KCTD16: variants seen among roughly 807,000 people sequenced by gnomAD.
KCTD16 encodes potassium channel tetramerization domain containing 16.
In KCTD16, 13 loss-of-function variants were observed where a neutral mutation model predicts 33.2. That is an observed-to-expected ratio of 0.39 (90% CI 0.25 to 0.62). KCTD16 has a LOEUF of 0.62. Ranked by LOEUF, KCTD16 falls within the 20% of genes least tolerant of loss-of-function variation. The pLI is 0.50. For missense variants in KCTD16, 441 were observed against 525.1 expected, an observed-to-expected ratio of 0.84 and a Z score of 1.57; for synonymous variants, 197 against 195.3, an observed-to-expected ratio of 1.01 and a Z score of -0.07.
intron 3 of KCTD16, among the ~76,000 whole-genome samples, chr5:144,412,347 A>G (rs886910842): frequency 3.3e-5 from 5 of 152,244 alleles, no homozygotes; most frequent in Admixed American, 3.3e-4. Context: ...GCCATAAAAA[A>G]GAAATGAAAT....
In KCTD16 at chr5:144,485,685, C is replaced by T. The variant is rs947237429; in HGVS notation, c.*11571C>T. The T allele has an allele frequency of 4.6e-5, 7 of 151,946 alleles. No homozygotes were observed. Among genetic ancestry groups the T allele is most frequent in the East Asian group, 1.9e-4 (1 of 5,148 alleles). 9.4% of individuals were successfully genotyped at this position (151,946 alleles called of 1,614,324 possible). On this transcript the variant is annotated 3_prime_UTR_variant, in exon 4 of 4. Transcript: ENST00000512467. The stretch of plus-strand genomic sequence containing the variant: ...CAAATCATAATAAATCATTTGGTAA[C>T]ATTTAGTTGTTATATATATCTATTT...
At chr5:144,329,644 T>C (rs1332708855) in intron 3 of KCTD16, among the ~76,000 whole-genome samples, 1 of 152,178 alleles carries the variant, frequency 6.6e-6, no homozygotes, top group African/African-American at 2.4e-5. Context: ...GTTAAATATA[T>C]TTGAAGGAAT....
chr5:144,407,201 G>GTTTTTTTTTTTTTTTTTT (rs60786617), intron 3 of KCTD16, among the ~76,000 whole-genome samples: 1 of 142,474 alleles, frequency 7.0e-6, no homozygotes. Context: ...AAAAATTCCT[G>GTTTTTTTTTTTTTTTTTT]TTTTTTTTTT....
At chr5:144,473,603 G>C (rs1754526905) in intron 3 of KCTD16, 57 bp from the exon 4 acceptor site, 1 of 1,449,336 alleles carries the variant, frequency 6.9e-7, no homozygotes, top group African/African-American at 1.4e-5. Flanking sequence ...GTGCTATACT[G>C]CTACTCCAAC....
rs773743637 is a variant in KCTD16, at chr5:144,406,000, A to G, written c.833-67660A>G. Among the ~76,000 whole-genome samples, 70 of 152,388 alleles carry G rather than the reference A, an allele frequency of 4.6e-4. No individual in the cohort carries two copies. The Middle Eastern group carries it at 0.01, about 22-fold the overall frequency. ...TTATAGAACAGATTTGCTGAAAAGTAGAAGCACTATTGATATGCTTTTTAA... is the reference window on the plus strand; with the variant it reads ...TTATAGAACAGATTTGCTGAAAAGTGGAAGCACTATTGATATGCTTTTTAA... On this transcript the variant is annotated intron_variant, in intron 3 of 3. Coordinates refer to ENST00000512467, the MANE Select transcript of KCTD16 (RefSeq NM_020768.4).
chr5:144,381,506 C>A (rs909171221), intron 3 of KCTD16, among the ~76,000 whole-genome samples: 8 of 152,104 alleles, frequency 5.3e-5, no homozygotes, highest in African/African-American at 1.9e-4. Context: ...TGCTTGGCTT[C>A]TAGGGAGGCC....
intron 3 of KCTD16, among the ~76,000 whole-genome samples, chr5:144,366,039 C>A (rs1290579655): frequency 6.6e-6 from 1 of 152,128 alleles, no homozygotes; most frequent in African/African-American, 2.4e-5. Flanking sequence ...AGGAGATACA[C>A]TTTTTAATGT....
chr5:144,248,083 T>C (rs190269998), intron 3 of KCTD16, among the ~76,000 whole-genome samples: 1 of 152,354 alleles, frequency 6.6e-6, no homozygotes, highest in Non-Finnish European at 1.5e-5. Context: ...TATGGAGCTT[T>C]CTTTCCATTT....
intron 3 of KCTD16, among the ~76,000 whole-genome samples, chr5:144,274,131 C>T (rs1755380343): frequency 6.6e-6 from 1 of 151,476 alleles, no homozygotes; most frequent in African/African-American, 2.4e-5. Context: ...TTTCTTCCTT[C>T]TTCTCTTTTT....
chr5:144,366,894 G>C (rs1449759429), intron 3 of KCTD16, among the ~76,000 whole-genome samples: 1 of 152,194 alleles, frequency 6.6e-6, no homozygotes, highest in Non-Finnish European at 1.5e-5. Context: ...TGTGCAGAGA[G>C]AGTGGATCCT....
At chr5:144,450,368 C>A (rs1217433570) in intron 3 of KCTD16, among the ~76,000 whole-genome samples, 1 of 151,998 alleles carries the variant, frequency 6.6e-6, no homozygotes, top group African/African-American at 2.4e-5. Context: ...AATGTTGCAA[C>A]AGCTATAGAA....
intron 2 of KCTD16, among the ~76,000 whole-genome samples, chr5:144,194,360 T>C (rs1752901225): frequency 6.6e-6 from 1 of 152,212 alleles, no homozygotes; most frequent in South Asian, 2.1e-4. Context: ...GCTCTTTGAC[T>C]TATCCAAACC....
At chr5:144,317,505 G>T (rs1751952320) in intron 3 of KCTD16, among the ~76,000 whole-genome samples, 3 of 152,176 alleles carry the variant, frequency 2.0e-5, no homozygotes, top group Non-Finnish European at 2.9e-5. Flanking sequence ...TGAACCATTG[G>T]TCAACCGGAG....
chr5:144,365,893 C>A (rs1449033982), intron 3 of KCTD16, among the ~76,000 whole-genome samples: 1 of 152,086 alleles, frequency 6.6e-6, no homozygotes, highest in Admixed American at 6.6e-5. Context: ...AAATGTGTGA[C>A]TATTATTCTG....
intron 3 of KCTD16, among the ~76,000 whole-genome samples, chr5:144,353,735 A>G (rs1381216230): frequency 6.6e-6 from 1 of 152,178 alleles, no homozygotes; most frequent in East Asian, 1.9e-4. Context: ...AGGAACTAGC[A>G]TTTAATTATA....
rs1293368286 is a variant in KCTD16, at chr5:144,418,376, ATTTTACAGAGTGCTGATTGGTCTG to A, written c.833-55261_833-55238del. Among the ~76,000 whole-genome samples, 4 of 152,080 alleles carry A rather than the reference ATTTTACAGAGTGCTGATTGGTCTG, an allele frequency of 2.6e-5. No homozygotes were observed. In the South Asian group the frequency reaches 6.2e-4, roughly 24 times the overall value. On this transcript the variant is annotated intron_variant, in intron 3 of 3. Coordinates refer to ENST00000512467, the MANE Select transcript of KCTD16 (RefSeq NM_020768.4). ...CATTTTACAGAGAGCTGATTGGTCC[ATTTTACAGAGTGCTGATTGGTCTG>A]TTTTACAGAGTGCTGATTGGTCCGT...
chr5:144,278,911 A>G (rs1337829743), intron 3 of KCTD16, among the ~76,000 whole-genome samples: 1 of 152,190 alleles, frequency 6.6e-6, no homozygotes, highest in Non-Finnish European at 1.5e-5. Context: ...GGGAGATTTG[A>G]GGAAAATTAA....
At chr5:144,189,317 C>T (rs1752791275) in intron 2 of KCTD16, among the ~76,000 whole-genome samples, 1 of 151,752 alleles carries the variant, frequency 6.6e-6, no homozygotes, top group African/African-American at 2.4e-5. Context: ...ATGGTGAAAC[C>T]CCGACTCTAC....
At chr5:144,336,825 C>A (rs539608691) in intron 3 of KCTD16, among the ~76,000 whole-genome samples, 129 of 152,200 alleles carry the variant, frequency 8.5e-4, no homozygotes, top group Middle Eastern at 3.4e-3. Flanking sequence ...CATACCCACA[C>A]ACAAACCCAC....
Sources: allele counts gnomAD v4.1 joint callset (sites outside exome capture counted in the v4.1 genomes callset), GRCh38; gene constraint gnomAD v4.1.1; transcripts MANE v1.5; gene names NCBI Gene and HGNC (gene_info 2026-07-23, HGNC 2026-07-21).